B3GAT2: variants seen among roughly 807,000 people sequenced by gnomAD.
The protein encoded by B3GAT2 is beta-1,3-glucuronyltransferase 2.
In B3GAT2, 26 loss-of-function variants were observed where a neutral mutation model predicts 27.8. That is an observed-to-expected ratio of 0.93 (90% CI 0.68 to 1.30). B3GAT2 has a LOEUF of 1.30. B3GAT2 is among the 50% of genes most tolerant of loss of function. The pLI is 0.00. For missense variants in B3GAT2, 458 were observed against 459.0 expected, an observed-to-expected ratio of 1.00 and a Z score of 0.02; for synonymous variants, 218 against 195.1, an observed-to-expected ratio of 1.12 and a Z score of -0.98.
At chr6:70,934,622 C>G (rs957239831) in intron 1 of B3GAT2, among the ~76,000 whole-genome samples, 2 of 152,142 alleles carry the variant, frequency 1.3e-5, no homozygotes, top group African/African-American at 4.8e-5. Flanking sequence ...ATTAATAAAT[C>G]ATTAAAATAG....
rs183403552 is a variant in B3GAT2 at position 70,909,284 on chromosome 6, A to G, written c.592-15012T>C. 2.0e-3 allele frequency among the ~76,000 whole-genome samples: 306 copies of G among 152,316 alleles called. 1 individual carries two copies. The highest frequency in any genetic ancestry group is 2.9e-3 in the Non-Finnish European group (198 of 68,008). On this transcript the variant is annotated intron_variant, in intron 1 of 3. Coordinates refer to ENST00000230053, the MANE Select transcript of B3GAT2 (RefSeq NM_080742.3). ...GAGTATCAGGAAAACAAAATGAATA[A>G]AGAAACAAGAACAAACTATATACTA...
chr6:70,857,816 A>ATGTT lies in B3GAT2; in HGVS notation c.*3843_*3846dup. ...TAGGAGCAGCCAAACTGGAATTAAA[A>ATGTT]TGTTTGCTGTGAGTAGTTCAGAAAG... On this transcript the variant is annotated 3_prime_UTR_variant, in exon 4 of 4. Coordinates refer to ENST00000230053, the MANE Select transcript of B3GAT2 (RefSeq NM_080742.3). The ATGTT allele has an allele frequency of 8.0e-7, 1 of 1,253,234 alleles. No homozygotes were observed. Among genetic ancestry groups the ATGTT allele is most frequent in the Non-Finnish European group, 1.1e-6 (1 of 904,860 alleles). 77.6% of individuals were successfully genotyped at this position (1,253,234 alleles called of 1,614,324 possible).
chr6:70,875,017 A>C (rs999060596), intron 2 of B3GAT2, among the ~76,000 whole-genome samples: 1 of 151,856 alleles, frequency 6.6e-6, no homozygotes, highest in Non-Finnish European at 1.5e-5. Flanking sequence ...AAAAAAAAAA[A>C]CAAAACTCCC....
At chr6:70,916,769 T>C (rs948319606) in intron 1 of B3GAT2, among the ~76,000 whole-genome samples, 2 of 152,190 alleles carry the variant, frequency 1.3e-5, no homozygotes, top group Non-Finnish European at 2.9e-5. Context: ...GTGGATAAGC[T>C]TTTTGATGGG....
chr6:70,879,897 G>C (rs569601441), intron 2 of B3GAT2, among the ~76,000 whole-genome samples: 2 of 152,172 alleles, frequency 1.3e-5, no homozygotes, highest in Non-Finnish European at 2.9e-5. Context: ...AGCGAGGCTC[G>C]GGGGTGGGGA....
At chr6:70,918,300 T>C (rs1209547733) in intron 1 of B3GAT2, among the ~76,000 whole-genome samples, 1 of 152,202 alleles carries the variant, frequency 6.6e-6, no homozygotes, top group African/African-American at 2.4e-5. Flanking sequence ...TGTCTTTGCA[T>C]GTGAGATAGG....
At chr6:70,870,094 A>G (rs1582340758) in intron 2 of B3GAT2, among the ~76,000 whole-genome samples, 1 of 152,110 alleles carries the variant, frequency 6.6e-6, no homozygotes, top group African/African-American at 2.4e-5. Flanking sequence ...ATGCACACGT[A>G]TGTTTATTGC....
chr6:70,914,765 T>C lies in B3GAT2; in HGVS notation c.592-20493A>G, dbSNP rs1772741317. ...AAATCCATAAAATTGAATAACTTTT[T>C]TTTTAACCAGACATAGAATACTATA... On this transcript the variant is annotated intron_variant, in intron 1 of 3. Coordinates refer to ENST00000230053, the MANE Select transcript of B3GAT2 (RefSeq NM_080742.3). Among the ~76,000 whole-genome samples the C allele has an allele frequency of 2.0e-5, 3 of 152,034 alleles. No homozygotes were observed. In the South Asian group the frequency reaches 6.2e-4, roughly 32 times the overall value.
At position 70,861,567 on chromosome 6, in the gene B3GAT2, A is replaced by G. The variant is rs1234474204; in HGVS notation, c.*96T>C. Reference sequence around the variant, plus strand: ...AGAAAGGCTGCTGTACTGAAGTAAAACAAACAATACCTGAATGCTCTGTAG... The same window carrying G: ...AGAAAGGCTGCTGTACTGAAGTAAAGCAAACAATACCTGAATGCTCTGTAG... On this transcript the variant is annotated 3_prime_UTR_variant, in exon 4 of 4. Coordinates refer to ENST00000230053, the MANE Select transcript of B3GAT2 (RefSeq NM_080742.3). 1.7e-6 allele frequency: 2 copies of G among 1,161,568 alleles called. No individual in the cohort carries two copies. The highest frequency in any genetic ancestry group is 3.1e-5 in the African/African-American group (2 of 65,310). The allele number at this position is 1,161,568 out of a possible 1,614,324, so 72.0% of individuals were successfully genotyped here.
intron 1 of B3GAT2, among the ~76,000 whole-genome samples, chr6:70,927,761 G>A (rs1187384576): frequency 1.3e-5 from 2 of 152,166 alleles, no homozygotes; most frequent in African/African-American, 2.4e-5. Flanking sequence ...ACACTCCACT[G>A]TCAATATTAG....
intron 1 of B3GAT2, among the ~76,000 whole-genome samples, chr6:70,939,801 T>G (rs559246738): frequency 6.1e-4 from 92 of 152,026 alleles, no homozygotes; most frequent in African/African-American, 1.7e-3. Flanking sequence ...GCTAAAAGAC[T>G]AGTTAATGGG....
chr6:70,881,361 C>T (rs1022663253), intron 2 of B3GAT2, among the ~76,000 whole-genome samples: 1 of 152,188 alleles, frequency 6.6e-6, no homozygotes, highest in African/African-American at 2.4e-5. Flanking sequence ...GATTCCTATA[C>T]TCTTTCAGTG....
intron 2 of B3GAT2, among the ~76,000 whole-genome samples, chr6:70,890,397 G>A (rs1361162845): frequency 6.6e-6 from 1 of 152,112 alleles, no homozygotes; most frequent in East Asian, 1.9e-4. Flanking sequence ...AGAAAACTAA[G>A]CTTTCCTAGA....
chr6:70,865,084 A>AT (rs1353740816), intron 2 of B3GAT2, among the ~76,000 whole-genome samples: 1 of 152,242 alleles, frequency 6.6e-6, no homozygotes, highest in Non-Finnish European at 1.5e-5. Context: ...GATTAAAAAT[A>AT]TCTGAAAATA....
intron 2 of B3GAT2, among the ~76,000 whole-genome samples, chr6:70,869,538 T>C (rs1771901790): frequency 6.6e-6 from 1 of 152,208 alleles, no homozygotes; most frequent in South Asian, 2.1e-4. Flanking sequence ...ATAACAATAT[T>C]AAGTCTTCTA....
intron 1 of B3GAT2, among the ~76,000 whole-genome samples, chr6:70,909,052 C>T (rs1772644894): frequency 1.3e-5 from 2 of 152,108 alleles, no homozygotes; most frequent in Non-Finnish European, 2.9e-5. Flanking sequence ...TTAACATGAC[C>T]AACCATTACT....
At chr6:70,919,800 A>G (rs1437396891) in intron 1 of B3GAT2, among the ~76,000 whole-genome samples, 1 of 152,052 alleles carries the variant, frequency 6.6e-6, no homozygotes, top group Non-Finnish European at 1.5e-5. Context: ...CGCCTGTATG[A>G]GATGTCTGTT....
intron 1 of B3GAT2, among the ~76,000 whole-genome samples, chr6:70,899,580 T>TA (rs112839430): frequency 0.019 from 2,895 of 152,284 alleles, 85 homozygotes; most frequent in African/African-American, 0.067. Context: ...ATAATTAGTT[T>TA]AAAAACTCAA....
chr6:70,899,877 A>G (rs1036835363), intron 1 of B3GAT2, among the ~76,000 whole-genome samples: 2 of 152,242 alleles, frequency 1.3e-5, no homozygotes, highest in Non-Finnish European at 2.9e-5. Flanking sequence ...TACTAAAAGT[A>G]TCTTCATGTA....
Sources: gnomAD v4.1 joint callset for allele counts (sites outside exome capture counted in the v4.1 genomes callset) on GRCh38, gnomAD v4.1.1 for gene constraint, MANE v1.5 for transcripts, NCBI Gene and HGNC (gene_info 2026-07-23, HGNC 2026-07-21) for gene names.